CATSPERE: variants seen among roughly 807,000 people sequenced by gnomAD.
The protein encoded by CATSPERE is catsper channel auxiliary subunit epsilon, also known as cation channel sperm-associated auxiliary subunit epsilon.
Under a neutral mutation model 114.1 loss-of-function variants are expected in CATSPERE, and 93 were observed. The observed-to-expected ratio is 0.81, with a 90% confidence interval of 0.69 to 0.97. The LOEUF (loss-of-function observed/expected upper bound fraction) is 0.97, where lower values mean the gene tolerates loss of function less well. Ranked by LOEUF, CATSPERE falls within the 50% of genes least tolerant of loss-of-function variation. The pLI is 0.00. For synonymous variants in CATSPERE, 341 were observed against 384.1 expected, an observed-to-expected ratio of 0.89 and a Z score of 1.31; for missense variants, 1,058 against 1,131.6, an observed-to-expected ratio of 0.93 and a Z score of 0.93.
At chr1:244,570,861 T>C (rs2148570706) in intron 10 of CATSPERE, among the ~76,000 whole-genome samples, 1 of 152,224 alleles carries the variant, frequency 6.6e-6, no homozygotes, top group Admixed American at 6.5e-5. Flanking sequence ...AAGCTGAGAA[T>C]ACAGCATGTG....
chr1:244,548,862 G>T (rs1422132996), intron 8 of CATSPERE, among the ~76,000 whole-genome samples: 1 of 152,150 alleles, frequency 6.6e-6, no homozygotes, highest in African/African-American at 2.4e-5. Context: ...CCAGGAGTCT[G>T]GGTGGAAATG....
chr1:244,452,331 G>T (rs897711520), upstream of CATSPERE, among the ~76,000 whole-genome samples: 2 of 152,264 alleles, frequency 1.3e-5, no homozygotes, highest in Non-Finnish European at 2.9e-5. Flanking sequence ...TCTGCCATCT[G>T]CAGGTTTGTC....
intron 8 of CATSPERE, among the ~76,000 whole-genome samples, chr1:244,541,346 G>C (rs1160433672): frequency 6.7e-6 from 1 of 149,818 alleles, no homozygotes; most frequent in Non-Finnish European, 1.5e-5. Context: ...AGTGGGCGAA[G>C]GACATGAACA....
At position 244,554,317 on chromosome 1, in the gene CATSPERE, T is replaced by A. The variant is rs2148507649; in HGVS notation, c.1029+1503T>A. ...CCACCAACAGGGTATATGAGCTTCC[T>A]TTTCTCTGCCTCCTTGCCAGCATCT... On this transcript the variant is annotated intron_variant, in intron 9 of 21. Coordinates refer to ENST00000366534, the MANE Select transcript of CATSPERE (RefSeq NM_001130957.2). Among the ~76,000 whole-genome samples, 3 of 152,324 alleles carry A rather than the reference T, an allele frequency of 2.0e-5. No homozygotes were observed. In the South Asian group the frequency reaches 6.2e-4, roughly 32 times the overall value.
intron 9 of CATSPERE, among the ~76,000 whole-genome samples, chr1:244,556,963 C>G (rs931778152): frequency 6.6e-6 from 1 of 152,052 alleles, no homozygotes; most frequent in Non-Finnish European, 1.5e-5. Context: ...TTTCTCCACA[C>G]CACTTATTGA....
chr1:244,568,917 C>CA lies in CATSPERE; in HGVS notation c.1508-3407dup. 6.6e-6 allele frequency among the ~76,000 whole-genome samples: 1 copy of CA among 152,262 alleles called. No individual in the cohort carries two copies. The highest frequency in any genetic ancestry group is 2.4e-5 in the African/African-American group (1 of 41,550). On this transcript the variant is annotated intron_variant, in intron 10 of 21. Coordinates refer to ENST00000366534, the MANE Select transcript of CATSPERE (RefSeq NM_001130957.2). This position sits in a 1 kb window ranked among gnomAD's most constrained non-coding sequence, Gnocchi z 4.4. ...AAAAAAACAAAAACAAAAACAAAGA[C>CA]AAAAAACTCCTGCAGCTAGCCTGGT... is the stretch of plus-strand genomic sequence containing the variant.
chr1:244,528,661 T>C (rs957211685), intron 8 of CATSPERE, among the ~76,000 whole-genome samples: 7 of 152,124 alleles, frequency 4.6e-5, no homozygotes, highest in African/African-American at 1.7e-4. Flanking sequence ...ACTCTTTTAG[T>C]TATTTTTAAA....
At chr1:244,528,785 CCACACACACACA>C (rs56746061) in intron 8 of CATSPERE, among the ~76,000 whole-genome samples, 16 of 130,536 alleles carry the variant, frequency 1.2e-4, no homozygotes, top group East Asian at 4.5e-4. Context: ...CAATCCCCCA[CCACACACACACA>C]CACACACACA....
chr1:244,625,709 G>A (rs112827335), intron 20 of CATSPERE, among the ~76,000 whole-genome samples: 38 of 151,360 alleles, frequency 2.5e-4, no homozygotes, highest in Middle Eastern at 3.4e-3. Context: ...TTACAGGTGT[G>A]AGCCACCGCG....
chr1:244,632,220 C>T (rs1232372451), intron 20 of CATSPERE, among the ~76,000 whole-genome samples: 2 of 151,766 alleles, frequency 1.3e-5, no homozygotes, highest in Non-Finnish European at 2.9e-5. Flanking sequence ...ATAGTGAAAC[C>T]CCGTCTCTGC....
intron 19 of CATSPERE, among the ~76,000 whole-genome samples, chr1:244,610,754 CTTTTT>C (rs56253016): frequency 7.3e-6 from 1 of 136,412 alleles, no homozygotes. Flanking sequence ...ATTTTCTTTC[CTTTTT>C]TTTTTTTTTT....
chr1:244,543,587 C>G (rs1364291589), intron 8 of CATSPERE, among the ~76,000 whole-genome samples: 5 of 148,554 alleles, frequency 3.4e-5, no homozygotes, highest in Non-Finnish European at 7.4e-5. Flanking sequence ...TGATTATAGT[C>G]AATAACAGTA....
Position 244,552,751 on chromosome 1 carries a change from T to G in CATSPERE, c.966T>G (p.Leu322=), listed in dbSNP as rs111806162. 1.9e-4 allele frequency: 304 copies of G among 1,612,360 alleles called. 4 individuals carry two copies. The African/African-American group carries it at 3.2e-3, about 17-fold the overall frequency. The change falls in exon 9 of 22, where the codon CTT becomes CTG. Residue 322 remains leucine, a synonymous_variant. Coordinates refer to ENST00000366534, the MANE Select transcript of CATSPERE (RefSeq NM_001130957.2). ...TAAGACTGGGAGGAATTGTAAATCT[T>G]CCTGATGGTGGAATTACTGGCATTT... The part of the protein sequence containing the change: ...GFIRLGGIVN[L]PDGGITGISS...
intron 12 of CATSPERE, 74 bp from the exon 13 acceptor site, chr1:244,583,790 C>G: frequency 7.1e-7 from 1 of 1,411,078 alleles, no homozygotes; most frequent in Non-Finnish European, 9.9e-7. Context: ...GGACTTTGCA[C>G]TTGCTCTACA....
At chr1:244,556,295 C>A (rs1661564046) in intron 9 of CATSPERE, among the ~76,000 whole-genome samples, 1 of 148,962 alleles carries the variant, frequency 6.7e-6, no homozygotes, top group Admixed American at 6.6e-5. Flanking sequence ...ATTCAATGAA[C>A]TAAAATGAAA....
At chr1:244,549,595 G>A (rs1463685144) in intron 8 of CATSPERE, among the ~76,000 whole-genome samples, 1 of 152,066 alleles carries the variant, frequency 6.6e-6, no homozygotes, top group East Asian at 1.9e-4. Context: ...CATCACTCAA[G>A]GACTTTAACC....
intron 20 of CATSPERE, among the ~76,000 whole-genome samples, chr1:244,630,195 T>C (rs1356293620): frequency 6.6e-6 from 1 of 152,202 alleles, no homozygotes; most frequent in Non-Finnish European, 1.5e-5. Context: ...ACAGAGAATG[T>C]AGTGAAACAA....
chr1:244,498,863 A>C (rs1370245089), intron 6 of CATSPERE, 139 bp from the exon 7 acceptor site: 7 of 513,504 alleles, frequency 1.4e-5, no homozygotes. Flanking sequence ...GCACCCCTGC[A>C]CTCCAGCCTG....
In CATSPERE at chr1:244,572,363, A is replaced by T; in HGVS notation, c.1541A>T (p.Asn514Ile). The change falls in exon 11 of 22, where the codon AAT becomes ATT. Residue 514 changes from asparagine to isoleucine, a missense_variant. Physicochemically the swap from Asn to Ile is moderately radical, Grantham distance 149. Around this residue, in one of 2 missense-constraint regions of CATSPERE, gnomAD observed 787 missense variants for 905.6 expected, o/e 0.87. Coordinates refer to ENST00000366534, the MANE Select transcript of CATSPERE (RefSeq NM_001130957.2). ...YYGDILVKME[N>I]NVIFYSKINT... ...GGAGATATTTTGGTAAAAATGGAAA[A>T]TAATGTAATATTTTATTCCAAGATT... The T allele has an allele frequency of 6.6e-7, 1 of 1,504,412 alleles. No individual in the cohort carries two copies. The highest frequency in any genetic ancestry group is 9.2e-7 in the Non-Finnish European group (1 of 1,092,808). The allele number at this position is 1,504,412 out of a possible 1,614,324, so 93.2% of individuals were successfully genotyped here.
Sources: allele counts gnomAD v4.1 joint callset (sites outside exome capture counted in the v4.1 genomes callset), GRCh38; gene constraint gnomAD v4.1.1; regional missense constraint gnomAD v4.1.1; non-coding constraint Gnocchi (gnomAD v3.1); transcripts MANE v1.5; gene names NCBI Gene and HGNC (gene_info 2026-07-23, HGNC 2026-07-21).